Variants in B3GALT1 observed in about 807,000 individuals in gnomAD.
B3GALT1 encodes beta-1,3-galactosyltransferase 1, also known as UDP-Gal:betaGlcNAc beta 1,3-galactosyltransferase, polypeptide 1.
A neutral mutation model predicts 23.2 loss-of-function variants in B3GALT1; 10 were observed. The ratio of observed to expected loss-of-function variants is 0.43; its 90% CI spans 0.27 to 0.73. The LOEUF (loss-of-function observed/expected upper bound fraction) is 0.73, where lower values mean the gene tolerates loss of function less well. Among genes scored for constraint, B3GALT1 ranks in the 30% least tolerant of loss-of-function variants. The probability of loss-of-function intolerance (pLI) is 0.21; values close to 1 mark genes in which losing one functional copy is unlikely to be tolerated. For missense variants in B3GALT1, 299 were observed against 405.4 expected (o/e 0.74, Z 2.25); for synonymous variants, 156 against 141.5 (o/e 1.10, Z -0.73).
intron 3 of B3GALT1, among the ~76,000 whole-genome samples, chr2:167,702,632 C>A (rs923075276): frequency 6.6e-6 from 1 of 152,152 alleles, no homozygotes; most frequent in Non-Finnish European, 1.5e-5. Context: ...ATAGCTAGAA[C>A]CCTGGAAAGT....
intron 2 of B3GALT1, among the ~76,000 whole-genome samples, chr2:167,642,847 A>G (rs1378797588): frequency 6.6e-6 from 1 of 152,208 alleles, no homozygotes; most frequent in Non-Finnish European, 1.5e-5. Context: ...CACTTAAAAC[A>G]TTGGCTAATA....
At chr2:167,727,595 A>G (rs1009772963) in intron 3 of B3GALT1, among the ~76,000 whole-genome samples, 1 of 152,166 alleles carries the variant, frequency 6.6e-6, no homozygotes, top group Non-Finnish European at 1.5e-5. Flanking sequence ...TCCAAATCTC[A>G]TCTAAATATC....
At chr2:167,777,963 T>C (rs1014861831) in intron 3 of B3GALT1, among the ~76,000 whole-genome samples, 1 of 151,980 alleles carries the variant, frequency 6.6e-6, no homozygotes, top group East Asian at 1.9e-4. Flanking sequence ...AGGCCAGAGA[T>C]GCTGCTAAAC....
intron 2 of B3GALT1, among the ~76,000 whole-genome samples, chr2:167,613,540 TGA>T (rs1327575388): frequency 1.3e-5 from 2 of 151,658 alleles, no homozygotes; most frequent in Admixed American, 1.3e-4. Context: ...GTTTATAACG[TGA>T]GTTTTGTTTT....
At chr2:167,422,629 T>G (rs1698565019) in intron 1 of B3GALT1, among the ~76,000 whole-genome samples, 1 of 151,672 alleles carries the variant, frequency 6.6e-6, no homozygotes, top group Non-Finnish European at 1.5e-5. Context: ...TACTGGAGAT[T>G]GGGAGGGAGA....
At chr2:167,626,293 A>G (rs185937000) in intron 2 of B3GALT1, among the ~76,000 whole-genome samples, 7 of 151,748 alleles carry the variant, frequency 4.6e-5, no homozygotes, top group Admixed American at 3.3e-4. Context: ...CCAAACCCAT[A>G]TAGATCTTCT....
chr2:167,352,287 T>G (rs1353630099), intron 1 of B3GALT1, among the ~76,000 whole-genome samples: 1 of 112,008 alleles, frequency 8.9e-6, no homozygotes, highest in African/African-American at 3.3e-5. Context: ...TTTGTTTTTT[T>G]TTTTTTAAGT....
At chr2:167,639,835 C>G (rs907383484) in intron 2 of B3GALT1, among the ~76,000 whole-genome samples, 1 of 152,078 alleles carries the variant, frequency 6.6e-6, no homozygotes, top group Admixed American at 6.6e-5. Context: ...GAAGTATTAA[C>G]TGGCCCCTGC....
intron 1 of B3GALT1, among the ~76,000 whole-genome samples, chr2:167,440,215 C>T (rs988607271): frequency 2.1e-4 from 32 of 151,502 alleles, no homozygotes; most frequent in African/African-American, 7.7e-4. Context: ...TGGTGGCGGG[C>T]GCCTGTAGTC....
chr2:167,486,347 G>C (rs1251905368), intron 1 of B3GALT1, among the ~76,000 whole-genome samples: 1 of 136,274 alleles, frequency 7.3e-6, no homozygotes, highest in Admixed American at 7.6e-5. Context: ...GACAGAGTGA[G>C]ACTCTGTCTC....
At chr2:167,649,280 CTCTTG>C (rs1685813067) in intron 3 of B3GALT1, among the ~76,000 whole-genome samples, 2 of 152,012 alleles carry the variant, frequency 1.3e-5, no homozygotes, top group African/African-American at 4.8e-5. Flanking sequence ...TTTCCTTCTT[CTCTTG>C]TTTTTATTTT....
intron 4 of B3GALT1, among the ~76,000 whole-genome samples, chr2:167,837,474 T>A (rs556318221): frequency 0.019 from 2,830 of 151,656 alleles, 95 homozygotes; most frequent in African/African-American, 0.065. Flanking sequence ...CAAGAAGAGC[T>A]AACTATCCTA....
intron 3 of B3GALT1, among the ~76,000 whole-genome samples, chr2:167,800,032 T>G (rs1401465992): frequency 6.6e-6 from 1 of 152,214 alleles, no homozygotes; most frequent in Non-Finnish European, 1.5e-5. Flanking sequence ...GCAAGGATTT[T>G]TATCTGTTTT....
At chr2:167,607,940 CA>C (rs1318689408) in intron 2 of B3GALT1, among the ~76,000 whole-genome samples, 2 of 152,100 alleles carry the variant, frequency 1.3e-5, no homozygotes, top group African/African-American at 4.8e-5. Context: ...GAGCTTAGTG[CA>C]ATTATCCTTC....
At chr2:167,805,903 A>C (rs926559520) in intron 3 of B3GALT1, among the ~76,000 whole-genome samples, 1 of 152,118 alleles carries the variant, frequency 6.6e-6, no homozygotes, top group East Asian at 1.9e-4. Context: ...CATTGAATCT[A>C]TAAATTACCT....
At chr2:167,521,984 G>GTGTATATA (rs1553464197) in intron 2 of B3GALT1, among the ~76,000 whole-genome samples, 1 of 122,636 alleles carries the variant, frequency 8.2e-6, no homozygotes, top group African/African-American at 3.0e-5. Context: ...GTGTGTGTGT[G>GTGTATATA]TATATATATA....
intron 1 of B3GALT1, among the ~76,000 whole-genome samples, chr2:167,457,087 A>G (rs574302612): frequency 1.3e-5 from 2 of 152,210 alleles, no homozygotes; most frequent in East Asian, 1.9e-4. Flanking sequence ...TGAGATTCCA[A>G]TGTTTTTAGG....
intron 2 of B3GALT1, among the ~76,000 whole-genome samples, chr2:167,510,407 G>GTTTTTTT (rs35191590): frequency 9.0e-6 from 1 of 111,092 alleles, no homozygotes; most frequent in Non-Finnish European, 2.0e-5. Flanking sequence ...TGCAAGTTTT[G>GTTTTTTT]TTTTTTTTTT....
At chr2:167,624,287 G>T (rs989489437) in intron 2 of B3GALT1, among the ~76,000 whole-genome samples, 1 of 151,942 alleles carries the variant, frequency 6.6e-6, no homozygotes, top group East Asian at 1.9e-4. Flanking sequence ...TTAGACCCCC[G>T]GAGATTGAAA....
Sources: gnomAD v4.1 joint callset for allele counts (sites outside exome capture counted in the v4.1 genomes callset) on GRCh38, gnomAD v4.1.1 for gene constraint, MANE v1.5 for transcripts, NCBI Gene and HGNC (gene_info 2026-07-23, HGNC 2026-07-21) for gene names.